Variants in PPP1R12A observed in about 807,000 individuals in gnomAD.
The protein encoded by PPP1R12A is protein phosphatase 1 regulatory subunit 12A.
Under a neutral mutation model 139.6 loss-of-function variants are expected in PPP1R12A, and 19 were observed. The observed-to-expected ratio is 0.14, with a 90% CI of 0.09 to 0.20. The LOEUF (loss-of-function observed/expected upper bound fraction) is 0.20. PPP1R12A is among the 10% of genes least tolerant of loss of function. PPP1R12A has a pLI of 1.00. For synonymous variants in PPP1R12A, 427 were observed against 420.6 expected (o/e 1.02, Z -0.19); for missense variants, 925 against 1,211.5 (o/e 0.76, Z 3.51).
chr12:79,860,568 A>G (rs567062768), intron 2 of PPP1R12A, among the ~76,000 whole-genome samples: 13 of 152,198 alleles, frequency 8.5e-5, no homozygotes, highest in Non-Finnish European at 1.9e-4. Flanking sequence ...AGATGGGGGG[A>G]TTAATACTTC....
In PPP1R12A at chr12:79,855,049, C is replaced by T. The variant is rs564132506; in HGVS notation, c.369-9629G>A. Among the ~76,000 whole-genome samples, 5 of 152,152 alleles carry T rather than the reference C, an allele frequency of 3.3e-5. No individual in the cohort carries two copies. The South Asian group carries it at 6.2e-4, about 19-fold the overall frequency. On this transcript the variant is annotated intron_variant, in intron 2 of 24. Transcript: ENST00000450142. ...TGTCGCCCAGGCTGGAGTGCAATGG[C>T]GCTATCTCCGCTCACTGTAAGCTCC...
At chr12:79,890,897 A>ACACC (rs759199406) in intron 1 of PPP1R12A, among the ~76,000 whole-genome samples, 21 of 90,930 alleles carry the variant, frequency 2.3e-4, no homozygotes, top group Non-Finnish European at 3.7e-4. Context: ...CCACCCACCC[A>ACACC]CACCCACCCA....
chr12:79,875,728 T>C (rs1026452460), intron 1 of PPP1R12A, among the ~76,000 whole-genome samples: 1 of 152,172 alleles, frequency 6.6e-6, no homozygotes, highest in African/African-American at 2.4e-5. Flanking sequence ...GGAAGGATAT[T>C]TGAAGTAGCT....
chr12:79,854,381 A>G (rs1023870808), intron 2 of PPP1R12A, among the ~76,000 whole-genome samples: 1 of 152,124 alleles, frequency 6.6e-6, no homozygotes, highest in Non-Finnish European at 1.5e-5. Context: ...CTGGCTTCCT[A>G]CTGTACTTTT....
intron 1 of PPP1R12A, among the ~76,000 whole-genome samples, chr12:79,888,782 C>T (rs1884338019): frequency 6.6e-6 from 1 of 152,158 alleles, no homozygotes; most frequent in African/African-American, 2.4e-5. Context: ...CAGATGATAA[C>T]TGGCAAAATT....
intron 1 of PPP1R12A, among the ~76,000 whole-genome samples, chr12:79,889,685 T>A (rs1360245543): frequency 6.6e-6 from 1 of 152,066 alleles, no homozygotes; most frequent in Non-Finnish European, 1.5e-5. Context: ...AAGAAAAAAT[T>A]AAAAAGAAAT....
intron 1 of PPP1R12A, among the ~76,000 whole-genome samples, chr12:79,887,463 T>G (rs1310904237): frequency 1.3e-5 from 2 of 152,008 alleles, no homozygotes; most frequent in East Asian, 3.9e-4. Context: ...AGCAAGTAAG[T>G]AGAAAAATGC....
At chr12:79,886,499 A>G (rs907650872) in intron 1 of PPP1R12A, among the ~76,000 whole-genome samples, 19 of 152,308 alleles carry the variant, frequency 1.2e-4, no homozygotes, top group African/African-American at 4.6e-4. Context: ...CAAGATGACT[A>G]GAACAAGAAA....
intron 9 of PPP1R12A, among the ~76,000 whole-genome samples, chr12:79,811,465 T>C (rs1874523616): frequency 6.6e-6 from 1 of 152,200 alleles, no homozygotes. Flanking sequence ...TGATCACATT[T>C]CCATCAAACT....
At chr12:79,880,522 T>A (rs1365347145) in intron 1 of PPP1R12A, among the ~76,000 whole-genome samples, 1 of 152,178 alleles carries the variant, frequency 6.6e-6, no homozygotes, top group Admixed American at 6.5e-5. Context: ...TCTTTTTACC[T>A]CAACAGACGA....
chr12:79,893,453 C>A (rs570716518), intron 1 of PPP1R12A, among the ~76,000 whole-genome samples: 1 of 152,276 alleles, frequency 6.6e-6, no homozygotes, highest in Admixed American at 6.5e-5. Flanking sequence ...AACAGGCTCT[C>A]AAAAGCAAGA....
chr12:79,817,324 T>C, intron 9 of PPP1R12A, 70 bp downstream of exon 9: 1 of 1,414,966 alleles, frequency 7.1e-7, no homozygotes, highest in South Asian at 1.4e-5. Context: ...TCAGAATTAC[T>C]TTAATGAGTT....
chr12:79,932,337 T>C (rs1490355747), intron 1 of PPP1R12A, among the ~76,000 whole-genome samples: 2 of 152,190 alleles, frequency 1.3e-5, no homozygotes, highest in Non-Finnish European at 2.9e-5. Flanking sequence ...TGTCCTAAAT[T>C]TGCCCAAAGT....
intron 1 of PPP1R12A, among the ~76,000 whole-genome samples, chr12:79,890,609 G>A (rs950890898): frequency 2.6e-5 from 4 of 151,978 alleles, no homozygotes; most frequent in African/African-American, 9.7e-5. Context: ...TATATCAAAG[G>A]ATTTGTATAA....
chr12:79,923,206 G>A (rs960076915), intron 1 of PPP1R12A, among the ~76,000 whole-genome samples: 1 of 152,236 alleles, frequency 6.6e-6, no homozygotes, highest in East Asian at 1.9e-4. Context: ...CCCAGGAGAC[G>A]GTAGTTGCAG....
intron 3 of PPP1R12A, among the ~76,000 whole-genome samples, chr12:79,843,104 C>T (rs948458445): frequency 2.2e-4 from 34 of 152,066 alleles, no homozygotes; most frequent in African/African-American, 7.7e-4. Context: ...CATGCTGTAG[C>T]GTATGTTTGA....
At chr12:79,924,898 C>T (rs1025554595) in intron 1 of PPP1R12A, among the ~76,000 whole-genome samples, 2 of 152,078 alleles carry the variant, frequency 1.3e-5, no homozygotes, top group African/African-American at 4.8e-5. Context: ...AACTTAAATC[C>T]AAGGTGACAT....
chr12:79,912,366 G>A (rs781551560), intron 1 of PPP1R12A, among the ~76,000 whole-genome samples: 6 of 152,116 alleles, frequency 3.9e-5, no homozygotes, highest in African/African-American at 4.8e-5. Flanking sequence ...TATTATGACC[G>A]GCACACACAA....
intron 1 of PPP1R12A, among the ~76,000 whole-genome samples, chr12:79,917,398 T>C (rs1006465271): frequency 5.9e-4 from 87 of 148,640 alleles, no homozygotes; most frequent in African/African-American, 1.9e-3. Flanking sequence ...GGCAGGAGAA[T>C]TGCTTGAACC....
Sources: gnomAD v4.1 joint callset for allele counts (sites outside exome capture counted in the v4.1 genomes callset) on GRCh38, gnomAD v4.1.1 for gene constraint, MANE v1.5 for transcripts, NCBI Gene and HGNC (gene_info 2026-07-23, HGNC 2026-07-21) for gene names.